FADD: variants seen among roughly 807,000 people sequenced by gnomAD.
The protein encoded by FADD is FAS-associated death domain protein.
In FADD, 3 loss-of-function variants were observed where a neutral mutation model predicts 5.8. That is an observed-to-expected ratio of 0.52 (90% CI 0.24 to 1.34). FADD has a LOEUF of 1.34. Ranked by LOEUF, FADD falls within the 40% of genes most tolerant of loss-of-function variation. FADD has a pLI of 0.17. For missense variants in FADD, 249 were observed against 286.7 expected, an observed-to-expected ratio of 0.87 and a Z score of 0.95; for synonymous variants, 138 against 130.8, an observed-to-expected ratio of 1.06 and a Z score of -0.38.
At chr11:70,205,342 A>T (rs2049451483) in intron 1 of FADD, among the ~76,000 whole-genome samples, 2 of 152,342 alleles carry the variant, frequency 1.3e-5, no homozygotes, top group South Asian at 4.1e-4. Context: ...CACTCGGGGC[A>T]GCTTTCTAAA....
At chr11:70,205,128 G>C (rs1322607430) in intron 1 of FADD, among the ~76,000 whole-genome samples, 1 of 151,426 alleles carries the variant, frequency 6.6e-6, no homozygotes, top group Non-Finnish European at 1.5e-5. Context: ...CCAGCCCACA[G>C]GGCTGTCAGA....
chr11:70,203,342 CG>C lies in FADD; in HGVS notation c.-113del. 6.6e-7 allele frequency: 1 copy of C among 1,506,934 alleles called. No homozygotes were observed. Among genetic ancestry groups the C allele is most frequent in the Non-Finnish European group, 8.9e-7 (1 of 1,129,484 alleles). 93.3% of individuals were successfully genotyped at this position (1,506,934 alleles called of 1,614,324 possible). On this transcript the variant is annotated 5_prime_UTR_variant, in exon 1 of 2. Coordinates refer to ENST00000301838, the MANE Select transcript of FADD (RefSeq NM_003824.4). ...TGAATCAGGCACCGGAGTGCAGGTT[CG>C]GGGGTGGAATCCTTGGGCCGCTGGG...
In FADD at chr11:70,203,316, G is replaced by C. The variant is rs2049435166; in HGVS notation, c.-144G>C. 1 of 1,427,368 alleles carries C rather than the reference G, an allele frequency of 7.0e-7. No individual in the cohort carries two copies. The highest frequency in any genetic ancestry group is 1.5e-5 in the African/African-American group (1 of 68,134). The allele number at this position is 1,427,368 out of a possible 1,614,324, so 88.4% of individuals were successfully genotyped here. On this transcript the variant is annotated 5_prime_UTR_variant, in exon 1 of 2. Coordinates refer to ENST00000301838, the MANE Select transcript of FADD (RefSeq NM_003824.4). ...AACGCGCTCTTGTCGATTTCCTGTA[G>C]TGAATCAGGCACCGGAGTGCAGGTT...
In FADD at chr11:70,203,588, A is replaced by C. The variant is rs199774555; in HGVS notation, c.129A>C (p.Leu43=). ...AGCTGGAGCGCGTGCAGAGCGGCCT[A>C]GACCTCTTCTCCATGCTGCTGGAGC... ...KRKLERVQSG[L]DLFSMLLEQN... The change falls in exon 1 of 2, where the codon CTA becomes CTC. Residue 43 remains leucine, a synonymous_variant. Coordinates refer to ENST00000301838, the MANE Select transcript of FADD (RefSeq NM_003824.4). The C allele has an allele frequency of 1.9e-6, 3 of 1,611,952 alleles. No individual in the cohort carries two copies. The highest frequency in any genetic ancestry group is 1.7e-5 in the Admixed American group (1 of 59,988).
chr11:70,204,793 T>C (rs1464019409), intron 1 of FADD, among the ~76,000 whole-genome samples: 3 of 152,250 alleles, frequency 2.0e-5, no homozygotes, highest in African/African-American at 4.8e-5. Flanking sequence ...AAAACACTGA[T>C]AAATTGCATT....
rs376395925 is a variant in FADD, at chr11:70,203,489, G to T, written c.30G>T (p.Ser10=). Residue 10 remains serine (S), a synonymous_variant, in exon 1 of 2, where the codon TCG becomes TCT. Transcript: ENST00000301838. ...ACCCGTTCCTGGTGCTGCTGCACTC[G>T]GTGTCGTCCAGCCTGTCGAGCAGCG... The part of the protein sequence containing the change: MDPFLVLLH[S]VSSSLSSSEL... The T allele has an allele frequency of 6.3e-6, 10 of 1,597,914 alleles. No individual in the cohort carries two copies. Among genetic ancestry groups the T allele is most frequent in the Middle Eastern group, 1.7e-4 (1 of 6,044 alleles).
At chr11:70,204,844 A>T (rs1477584525) in intron 1 of FADD, among the ~76,000 whole-genome samples, 3 of 152,214 alleles carry the variant, frequency 2.0e-5, no homozygotes, top group African/African-American at 4.8e-5. Context: ...TTTGAGATGT[A>T]TGTGTGCTTG....
rs2049438306 is a variant in FADD, at chr11:70,203,598, T to A, written c.139T>A (p.Ser47Thr). Residue 47 changes from serine to threonine, a missense_variant, in exon 1 of 2, where the codon TCC (serine) becomes ACC (threonine). By Grantham distance (58) the Ser-to-Thr change is moderately conservative (BLOSUM62 1). Transcript: ENST00000301838. ...ERVQSGLDLF[S>T]MLLEQNDLEP... Reference sequence around the variant, plus strand: ...CGTGCAGAGCGGCCTAGACCTCTTCTCCATGCTGCTGGAGCAGAACGACCT... The same window carrying A: ...CGTGCAGAGCGGCCTAGACCTCTTCACCATGCTGCTGGAGCAGAACGACCT... 2 of 1,610,824 alleles carry A rather than the reference T, an allele frequency of 1.2e-6. No individual in the cohort carries two copies. Among genetic ancestry groups the A allele is most frequent in the Non-Finnish European group, 1.7e-6 (2 of 1,179,144 alleles).
intron 1 of FADD, among the ~76,000 whole-genome samples, chr11:70,205,219 C>T (rs910714804): frequency 2.0e-5 from 3 of 152,200 alleles, no homozygotes; most frequent in Non-Finnish European, 4.4e-5. Context: ...CCTCTCCTTT[C>T]CTCTCTTCAC....
In FADD at chr11:70,206,311, C is replaced by G; in HGVS notation, c.465C>G (p.Asn155Lys). 6.2e-7 allele frequency: 1 copy of G among 1,614,162 alleles called. No homozygotes were observed. Among genetic ancestry groups the G allele is most frequent in the Non-Finnish European group, 8.5e-7 (1 of 1,180,026 alleles). ...TCTGGAAGAACACAGAGAAGGAGAA[C>G]GCAACAGTGGCCCACCTGGTGGGGG... is the stretch of plus-strand genomic sequence containing the variant. ...LRIWKNTEKE[N>K]ATVAHLVGAL... Residue 155 changes from asparagine (N) to lysine (K), a missense_variant, in exon 2 of 2, where the codon AAC becomes AAG. Asn to Lys is a moderately conservative substitution (Grantham distance 94, BLOSUM62 0). Coordinates refer to ENST00000301838, the MANE Select transcript of FADD (RefSeq NM_003824.4).
chr11:70,206,056 C>A, intron 1 of FADD, 77 bp from the exon 2 acceptor site: 1 of 1,297,086 alleles, frequency 7.7e-7, no homozygotes, highest in Non-Finnish European at 1.1e-6. Flanking sequence ...GGCGTCTGTG[C>A]TGAAAAGCCC....
At chr11:70,204,468 A>G (rs1342135106) in intron 1 of FADD, among the ~76,000 whole-genome samples, 1 of 152,014 alleles carries the variant, frequency 6.6e-6, no homozygotes, top group Non-Finnish European at 1.5e-5. Flanking sequence ...TAAAAAAGAA[A>G]CCCTGAGTAC....
chr11:70,203,375 G>A lies in FADD; in HGVS notation c.-85G>A, dbSNP rs1187034997. On this transcript the variant is annotated 5_prime_UTR_variant, in exon 1 of 2. Coordinates refer to ENST00000301838, the MANE Select transcript of FADD (RefSeq NM_003824.4). ...GAATCCTTGGGCCGCTGGGCAAGCGGCGAGACCTGGCCAGGGCCAGCGAGC... is the reference window on the plus strand; with the variant it reads ...GAATCCTTGGGCCGCTGGGCAAGCGACGAGACCTGGCCAGGGCCAGCGAGC... 7.2e-6 allele frequency: 11 copies of A among 1,534,410 alleles called. No individual in the cohort carries two copies. In the South Asian group the frequency reaches 1.2e-4, roughly 17 times the overall value.
At position 70,206,488 on chromosome 11, in the gene FADD, G is replaced by C. The variant is rs768381378; in HGVS notation, c.*15G>C. On this transcript the variant is annotated 3_prime_UTR_variant, in exon 2 of 2. Transcript: ENST00000301838. ...AAGCGTCCTGATGGGCCGCTGCTTT[G>C]CGCTGGTGGACCACAGGCATCTACA... The C allele has an allele frequency of 1.7e-5, 28 of 1,604,532 alleles. No homozygotes were observed. The highest frequency in any genetic ancestry group is 2.4e-5 in the Non-Finnish European group (28 of 1,175,654).
rs2049460358 is a variant in FADD at position 70,206,367 on chromosome 11, C to T, written c.521C>T (p.Ala174Val). The change falls in exon 2 of 2, where the codon GCT becomes GTT. Residue 174 changes from alanine (A) to valine (V), a missense_variant. Physicochemically the swap from Ala to Val is moderately conservative, Grantham distance 64. Coordinates refer to ENST00000301838, the MANE Select transcript of FADD (RefSeq NM_003824.4). ...ALRSCQMNLV[A>V]DLVQEVQQAR... ...AGGTCCTGCCAGATGAACCTGGTGG[C>T]TGACCTGGTACAAGAGGTTCAGCAG... 6.2e-7 allele frequency: 1 copy of T among 1,614,046 alleles called. No individual in the cohort carries two copies. Among genetic ancestry groups the T allele is most frequent in the Admixed American group, 1.7e-5 (1 of 60,010 alleles).
At position 70,206,692 on chromosome 11, in the gene FADD, T is replaced by C. The variant is rs370932710; in HGVS notation, c.*219T>C. 708 of 577,948 alleles carry C rather than the reference T, an allele frequency of 1.2e-3. 7 individuals are homozygous for C. Among genetic ancestry groups the C allele is most frequent in the South Asian group, 8.4e-3 (424 of 50,648 alleles). 35.8% of individuals were successfully genotyped at this position (577,948 alleles called of 1,614,324 possible). A position where few individuals can be genotyped will look rare whatever the true frequency, so the allele number is the denominator to read the frequency against. Reference sequence around the variant, plus strand: ...AGATATTTCCATTTCTTCCTCACTATGACACTGAGCAAGATCTTGTCTCCA... The same window carrying C: ...AGATATTTCCATTTCTTCCTCACTACGACACTGAGCAAGATCTTGTCTCCA... On this transcript the variant is annotated 3_prime_UTR_variant, in exon 2 of 2. Transcript: ENST00000301838.
In FADD at chr11:70,203,472, C is replaced by G; in HGVS notation, c.13C>G (p.Leu5Val). 3 of 1,585,402 alleles carry G rather than the reference C, an allele frequency of 1.9e-6. No homozygotes were observed. Among genetic ancestry groups the G allele is most frequent in the Non-Finnish European group, 2.6e-6 (3 of 1,166,160 alleles). ...TGCAGACCCCGCCATGGACCCGTTC[C>G]TGGTGCTGCTGCACTCGGTGTCGTC... MDPF[L>V]VLLHSVSSSL... Residue 5 changes from leucine to valine, a missense_variant, in exon 1 of 2, where the codon CTG (leucine) becomes GTG (valine). Leu to Val is a conservative substitution (Grantham distance 32, BLOSUM62 1). Transcript: ENST00000301838.
At chr11:70,203,941 T>A (rs976374980) in intron 1 of FADD, among the ~76,000 whole-genome samples, 196 bp downstream of exon 1, 2 of 152,238 alleles carry the variant, frequency 1.3e-5, no homozygotes, top group Non-Finnish European at 1.5e-5. Context: ...TTGCAGGGCG[T>A]GGACACGCAC....
At chr11:70,204,428 C>G (rs1282542748) in intron 1 of FADD, among the ~76,000 whole-genome samples, 1 of 152,222 alleles carries the variant, frequency 6.6e-6, no homozygotes, top group Admixed American at 6.5e-5. Context: ...CCTCTCCACC[C>G]TCGCCTGTGG....
Sources: allele counts gnomAD v4.1 joint callset (sites outside exome capture counted in the v4.1 genomes callset), GRCh38; gene constraint gnomAD v4.1.1; transcripts MANE v1.5; gene names NCBI Gene and HGNC (gene_info 2026-07-23, HGNC 2026-07-21).